The following ABCC4 variants were observed in gnomAD, a reference collection of about 807,000 sequenced individuals.
ABCC4 encodes the protein ATP-binding cassette sub-family C member 4.
Under a neutral mutation model 168.5 loss-of-function variants are expected in ABCC4, and 102 were observed. The observed-to-expected ratio is 0.61, with a 90% confidence interval of 0.52 to 0.71. The LOEUF is 0.71. ABCC4 is among the 30% of genes least tolerant of loss of function. ABCC4 has a pLI of 0.00. For missense variants in ABCC4, 1,402 were observed against 1,605.8 expected (o/e 0.87, Z 2.17); for synonymous variants, 617 against 590.7 (o/e 1.04, Z -0.65).
At chr13:95,090,536 C>T (rs185405255) in intron 20 of ABCC4, among the ~76,000 whole-genome samples, 36 of 152,184 alleles carry the variant, frequency 2.4e-4, no homozygotes, top group Admixed American at 1.2e-3. Context: ...CAATAATCAC[C>T]GCGGTTCGGC....
chr13:95,251,377 G>T (rs940046892), intron 1 of ABCC4, among the ~76,000 whole-genome samples: 1 of 151,942 alleles, frequency 6.6e-6, no homozygotes, highest in Non-Finnish European at 1.5e-5. Flanking sequence ...GGCCATGATG[G>T]AACTAAAATA....
At chr13:95,193,799 G>A (rs1289246874) in intron 9 of ABCC4, among the ~76,000 whole-genome samples, 1 of 152,212 alleles carries the variant, frequency 6.6e-6, no homozygotes, top group African/African-American at 2.4e-5. Context: ...CAAGTGCTAG[G>A]ACCAAGGAAG....
intron 8 of ABCC4, among the ~76,000 whole-genome samples, chr13:95,200,827 T>C (rs756332112): frequency 7.2e-5 from 11 of 152,192 alleles, no homozygotes; most frequent in Non-Finnish European, 1.6e-4. Flanking sequence ...CAGGTAATTC[T>C]GATGAACTTG....
chr13:95,259,872 AG>A (rs1485679542), intron 1 of ABCC4, among the ~76,000 whole-genome samples: 1 of 148,264 alleles, frequency 6.7e-6, no homozygotes, highest in Non-Finnish European at 1.5e-5. Flanking sequence ...AAAAAAAAAA[AG>A]ATGGGACACA....
intron 8 of ABCC4, among the ~76,000 whole-genome samples, chr13:95,205,953 CAG>C (rs1030065137): frequency 2.0e-5 from 3 of 152,238 alleles, no homozygotes; most frequent in African/African-American, 7.2e-5. Context: ...AGAAGTCTGG[CAG>C]AGATAGGTTC....
At chr13:95,206,299 C>G (rs1414707754) in intron 8 of ABCC4, among the ~76,000 whole-genome samples, 1 of 152,170 alleles carries the variant, frequency 6.6e-6, no homozygotes, top group Non-Finnish European at 1.5e-5. Flanking sequence ...ACATCAAAAG[C>G]CCTGTGCCAC....
intron 1 of ABCC4, chr13:95,269,320 G>A: frequency 2.2e-6 from 1 of 455,760 alleles, no homozygotes; most frequent in South Asian, 1.5e-5. Flanking sequence ...CTGCTAGTCT[G>A]GTGGCTGAGG....
chr13:95,235,477 C>T (rs1194850818), intron 3 of ABCC4, among the ~76,000 whole-genome samples: 1 of 152,154 alleles, frequency 6.6e-6, no homozygotes, highest in Non-Finnish European at 1.5e-5. Context: ...AAGGAATTTG[C>T]TTACAAACAG....
Position 95,301,389 on chromosome 13 carries a change from C to T in ABCC4, c.-75G>A. The T allele has an allele frequency of 7.4e-7, 1 of 1,344,612 alleles. No homozygotes were observed. The highest frequency in any genetic ancestry group is 1.0e-6 in the Non-Finnish European group (1 of 993,250). The allele number at this position is 1,344,612 out of a possible 1,614,324, so 83.3% of individuals were successfully genotyped here. ...GTGGCCGCGGGCTCCGCTCCTGGAC[C>T]TCAAGCAGGGATGCTGGGGCTCCGG... is the stretch of plus-strand genomic sequence containing the variant. On this transcript the variant is annotated 5_prime_UTR_variant, in exon 1 of 31. Transcript: ENST00000645237.
At chr13:95,148,085 T>C (rs1427919052) in intron 19 of ABCC4, among the ~76,000 whole-genome samples, 5 of 152,190 alleles carry the variant, frequency 3.3e-5, no homozygotes. Flanking sequence ...TATTGTTTCA[T>C]CAAAACTAGC....
At chr13:95,135,491 T>C (rs1439382052) in intron 19 of ABCC4, among the ~76,000 whole-genome samples, 1 of 151,682 alleles carries the variant, frequency 6.6e-6, no homozygotes, top group East Asian at 1.9e-4. Flanking sequence ...CAGCTCACTG[T>C]AGCCTTGACC....
At chr13:95,199,649 G>A (rs1225639301) in intron 8 of ABCC4, among the ~76,000 whole-genome samples, 1 of 152,060 alleles carries the variant, frequency 6.6e-6, no homozygotes, top group African/African-American at 2.4e-5. Flanking sequence ...ATCTATCCAA[G>A]GCTGTCTACT....
intron 1 of ABCC4, among the ~76,000 whole-genome samples, chr13:95,253,437 C>T (rs576217267): frequency 3.0e-4 from 46 of 152,178 alleles, no homozygotes; most frequent in African/African-American, 1.0e-3. Flanking sequence ...CATGAATGAG[C>T]ACATCCTCCA....
At chr13:95,025,260 C>CCAG (rs2031402942) in intron 30 of ABCC4, among the ~76,000 whole-genome samples, 1 of 24,944 alleles carries the variant, frequency 4.0e-5, no homozygotes, top group Non-Finnish European at 7.0e-5. Flanking sequence ...CACACACACA[C>CCAG]ACCCCCACAC....
intron 10 of ABCC4, 30 bp from the exon 11 acceptor site, chr13:95,186,922 C>T: frequency 6.3e-7 from 1 of 1,578,878 alleles, no homozygotes; most frequent in Non-Finnish European, 8.6e-7. Flanking sequence ...AGCACATGTT[C>T]AGTCAACACT....
intron 13 of ABCC4, among the ~76,000 whole-genome samples, chr13:95,172,875 T>C (rs1424112035): frequency 6.6e-6 from 1 of 152,062 alleles, no homozygotes; most frequent in Non-Finnish European, 1.5e-5. Context: ...GCCGTGATCA[T>C]GCCATTGCAC....
intron 9 of ABCC4, 68 bp from the exon 10 acceptor site, chr13:95,188,610 G>T (rs2038147245): frequency 1.5e-6 from 2 of 1,293,886 alleles, no homozygotes; most frequent in Non-Finnish European, 2.2e-6. Flanking sequence ...AAAAAGAGAA[G>T]AAAACAATAC....
chr13:95,296,159 CACACACACACACACACACACACACAA>C (rs1472053002), intron 1 of ABCC4, among the ~76,000 whole-genome samples: 2 of 69,966 alleles, frequency 2.9e-5, no homozygotes, highest in African/African-American at 3.4e-5. Context: ...CACACACACA[CACACACACACACACACACACACACAA>C]AAACACAAAA....
At chr13:95,166,800 T>C (rs2037287499) in intron 14 of ABCC4, among the ~76,000 whole-genome samples, 1 of 152,130 alleles carries the variant, frequency 6.6e-6, no homozygotes, top group Non-Finnish European at 1.5e-5. Flanking sequence ...TCCACAAGCC[T>C]CCACTGGCCA....
Sources: allele counts gnomAD v4.1 joint callset (sites outside exome capture counted in the v4.1 genomes callset), GRCh38; gene constraint gnomAD v4.1.1; transcripts MANE v1.5; gene names NCBI Gene and HGNC (gene_info 2026-07-23, HGNC 2026-07-21).